The following MMP26 variants were observed in gnomAD, a reference collection of about 807,000 sequenced individuals.
MMP26 encodes the protein matrix metallopeptidase 26.
Under a neutral mutation model 31.0 loss-of-function variants are expected in MMP26, and 33 were observed. The ratio of observed to expected loss-of-function variants is 1.06; its 90% confidence interval spans 0.81 to 1.42. MMP26 has a LOEUF of 1.42. Among genes scored for constraint, MMP26 ranks in the 40% most tolerant of loss-of-function variants. The pLI is 0.00. For synonymous variants in MMP26, 122 were observed against 114.9 expected (o/e 1.06, Z -0.40); for missense variants, 347 against 316.1 (o/e 1.10, Z -0.74).
chr11:4,869,437 T>A lies in MMP26; in HGVS notation c.-145+102096T>A, dbSNP rs138131948. Among the ~76,000 whole-genome samples the A allele has an allele frequency of 8.1e-3, 1,231 of 152,248 alleles. 22 individuals are homozygous for A. The highest frequency in any genetic ancestry group is 0.026 in the African/African-American group (1,089 of 41,564). ...TGAACAGACACTTCTCAAAAGAAGA[T>A]GTTTATGCAGCCAACAGACACATGG... On this transcript the variant is annotated intron_variant, in intron 2 of 7. Coordinates refer to ENST00000380390, the MANE Select transcript of MMP26 (RefSeq NM_021801.5).
chr11:4,943,505 C>T lies in MMP26; in HGVS notation c.-144-44563C>T, dbSNP rs572452287. On this transcript the variant is annotated intron_variant, in intron 2 of 7. Coordinates refer to ENST00000380390, the MANE Select transcript of MMP26 (RefSeq NM_021801.5). ...ACTAAGGTTTTTTTAATGCTTGGCA[C>T]CACTGACATTTTGTGCTAGATAATT... The T allele has an allele frequency of 3.5e-4, 160 of 455,918 alleles. 5 individuals carry two copies. The highest frequency in any genetic ancestry group is 2.4e-3 in the South Asian group (157 of 64,508). 28.2% of individuals were successfully genotyped at this position (455,918 alleles called of 1,614,324 possible). A position where few individuals can be genotyped will look rare whatever the true frequency, so the allele number is the denominator to read the frequency against.
chr11:4,756,567 T>A (rs1464544567), intron 1 of MMP26: 1 of 151,854 alleles, frequency 6.6e-6, no homozygotes, highest in East Asian at 1.9e-4. Context: ...TACAAAAAAA[T>A]TAAAATATTA....
rs148305326 is a variant in MMP26 at position 4,838,927 on chromosome 11, G to A, written c.-145+71586G>A. Among the ~76,000 whole-genome samples the A allele has an allele frequency of 9.1e-3, 1,381 of 152,232 alleles. 17 individuals carry two copies. The highest frequency in any genetic ancestry group is 0.012 in the Non-Finnish European group (821 of 68,010). On this transcript the variant is annotated intron_variant, in intron 2 of 7. Transcript: ENST00000380390. ...AAACCTACCTTGAATCGCCGATGCC[G>A]CGCTGCCCCTGTCATCAGGCAATGG...
rs138005031 is a variant in MMP26 at position 4,946,634 on chromosome 11, A to G, written c.-144-41434A>G. 46 of 1,580,236 alleles carry G rather than the reference A, an allele frequency of 2.9e-5. No individual in the cohort carries two copies. In the African/African-American group the frequency reaches 5.6e-4, roughly 19 times the overall value. ...AGTGAAAGGGAAGGGAAGAACCAGG[A>G]GCATGCTCTTAAAGGAGAATACTAT... On this transcript the variant is annotated intron_variant, in intron 2 of 7. Transcript: ENST00000380390.
intron 2 of MMP26, among the ~76,000 whole-genome samples, chr11:4,984,726 TG>T (rs1251442934): frequency 2.0e-5 from 3 of 152,326 alleles, no homozygotes; most frequent in African/African-American, 7.2e-5. Context: ...AAATATAAAT[TG>T]TGTATAGTTA....
intron 1 of MMP26, among the ~76,000 whole-genome samples, chr11:4,733,219 A>G (rs74052072): frequency 0.017 from 2,655 of 152,336 alleles, 84 homozygotes; most frequent in African/African-American, 0.06. Flanking sequence ...TGTCGATTAC[A>G]TTACATTTGT....
At chr11:4,848,200 G>A in intron 2 of MMP26, 1 of 1,550,592 alleles carries the variant, frequency 6.4e-7, no homozygotes, top group Non-Finnish European at 8.7e-7. Context: ...TTTAGTATCA[G>A]GAGCCCTGTA....
intron 2 of MMP26, among the ~76,000 whole-genome samples, chr11:4,826,291 T>C (rs984762490): frequency 1.3e-5 from 2 of 152,102 alleles, no homozygotes; most frequent in Non-Finnish European, 2.9e-5. Flanking sequence ...CGTTTCCATG[T>C]GTGGCTGTAC....
chr11:4,823,705 T>C (rs1479233650), intron 2 of MMP26, among the ~76,000 whole-genome samples: 2 of 152,178 alleles, frequency 1.3e-5, no homozygotes, highest in Non-Finnish European at 2.9e-5. Flanking sequence ...TTTTTGACCT[T>C]GTCCATCATT....
intron 2 of MMP26, among the ~76,000 whole-genome samples, chr11:4,977,924 CATCTT>C (rs1846759619): frequency 2.0e-5 from 3 of 152,158 alleles, no homozygotes; most frequent in Admixed American, 6.6e-5. Context: ...ACCCAAATCT[CATCTT>C]AAATTGAGGT....
intron 2 of MMP26, among the ~76,000 whole-genome samples, chr11:4,900,096 C>G (rs1850778370): frequency 6.6e-6 from 1 of 152,160 alleles, no homozygotes; most frequent in South Asian, 2.1e-4. Flanking sequence ...AGACTCAACT[C>G]TACCTGTTCT....
chr11:4,812,447 C>T (rs112459668), intron 2 of MMP26, among the ~76,000 whole-genome samples: 186 of 152,112 alleles, frequency 1.2e-3, no homozygotes, highest in African/African-American at 4.1e-3. Context: ...CACAGTAGAA[C>T]GCGTGGCCTG....
intron 2 of MMP26, among the ~76,000 whole-genome samples, chr11:4,775,483 T>A (rs1305810972): frequency 6.6e-6 from 1 of 152,068 alleles, no homozygotes; most frequent in East Asian, 1.9e-4. Context: ...ATTTGACTGC[T>A]CAATGATATA....
chr11:4,898,966 T>A (rs565563422), intron 2 of MMP26, among the ~76,000 whole-genome samples: 1 of 152,116 alleles, frequency 6.6e-6, no homozygotes, highest in South Asian at 2.1e-4. Context: ...AATTGAGGCC[T>A]CTGTCAGTGC....
intron 2 of MMP26, chr11:4,915,817 T>A (rs1851079954): frequency 1.9e-6 from 1 of 528,182 alleles, no homozygotes; most frequent in East Asian, 2.9e-5. Flanking sequence ...TATGTCTTTC[T>A]GGTCCTTGAC....
chr11:4,745,779 C>A (rs143197051), intron 1 of MMP26, among the ~76,000 whole-genome samples: 3 of 152,292 alleles, frequency 2.0e-5, no homozygotes, highest in African/African-American at 7.2e-5. Context: ...TCTCCCTCCC[C>A]ACTCCTGGAA....
At chr11:4,753,407 T>C (rs1848470315) in intron 1 of MMP26, among the ~76,000 whole-genome samples, 1 of 152,124 alleles carries the variant, frequency 6.6e-6, no homozygotes, top group African/African-American at 2.4e-5. Context: ...TTAAATACAT[T>C]TATTTGATGT....
At chr11:4,940,446 T>C in intron 2 of MMP26, among the ~76,000 whole-genome samples, 1 of 152,186 alleles carries the variant, frequency 6.6e-6, no homozygotes, top group East Asian at 1.9e-4. Flanking sequence ...GAAGATGTAA[T>C]GCAAATTTTG....
chr11:4,966,304 G>A (rs183300329), intron 2 of MMP26, among the ~76,000 whole-genome samples: 2 of 152,196 alleles, frequency 1.3e-5, no homozygotes, highest in Admixed American at 1.3e-4. Flanking sequence ...TTGCTAAGAG[G>A]AAACATCAGG....
Sources: allele counts gnomAD v4.1 joint callset (sites outside exome capture counted in the v4.1 genomes callset), GRCh38; gene constraint gnomAD v4.1.1; transcripts MANE v1.5; gene names NCBI Gene and HGNC (gene_info 2026-07-23, HGNC 2026-07-21).